PLEKHD1: variants seen among roughly 807,000 people sequenced by gnomAD.
PLEKHD1 encodes the protein pleckstrin homology domain-containing family D member 1.
A neutral mutation model predicts 69.2 loss-of-function variants in PLEKHD1; 51 were observed. That is an observed-to-expected ratio of 0.74 (90% confidence interval 0.59 to 0.93). The LOEUF (loss-of-function observed/expected upper bound fraction) is 0.93. Among genes scored for constraint, PLEKHD1 ranks in the 40% least tolerant of loss-of-function variants. The probability of loss-of-function intolerance (pLI) is 0.00; values close to 1 mark genes in which losing one functional copy is unlikely to be tolerated. For synonymous variants in PLEKHD1, 236 were observed against 244.7 expected (o/e 0.96, Z 0.33); for missense variants, 584 against 641.0 (o/e 0.91, Z 0.96).
At chr14:69,497,984 C>A (rs528801006) in intron 1 of PLEKHD1, among the ~76,000 whole-genome samples, 1 of 151,804 alleles carries the variant, frequency 6.6e-6, no homozygotes, top group Non-Finnish European at 1.5e-5. Context: ...GCCAAGAGTT[C>A]GAGGCCAGCC....
intron 1 of PLEKHD1, 135 bp downstream of exon 1, chr14:69,485,249 C>A: frequency 1.8e-6 from 2 of 1,085,358 alleles, no homozygotes; most frequent in African/African-American, 1.6e-5. Context: ...TCACTCTACA[C>A]TGGCTCCCGC....
chr14:69,525,287 C>T (rs1432297366), intron 8 of PLEKHD1, among the ~76,000 whole-genome samples: 1 of 152,154 alleles, frequency 6.6e-6, no homozygotes, highest in African/African-American at 2.4e-5. Flanking sequence ...GAATTACCTT[C>T]AAGGCTGCAA....
At chr14:69,472,483 G>A in the PLEKHD1 span, among the ~76,000 whole-genome samples, 1 of 152,088 alleles carries the variant, frequency 6.6e-6, no homozygotes, top group African/African-American at 2.4e-5. Context: ...TTCTTTTTCG[G>A]TAACGTTAAT....
chr14:69,485,167 C>A, intron 1 of PLEKHD1, 53 bp downstream of exon 1: 1 of 1,523,732 alleles, frequency 6.6e-7, no homozygotes, highest in South Asian at 1.2e-5. Flanking sequence ...GCCTGGGCGT[C>A]GTTACCCCTC....
the PLEKHD1 span, among the ~76,000 whole-genome samples, chr14:69,472,083 A>T: frequency 6.6e-6 from 1 of 152,066 alleles, no homozygotes; most frequent in Admixed American, 6.6e-5. Context: ...CTGAGTCAGA[A>T]CCAAACACCA....
chr14:69,500,974 C>G (rs1883012249), intron 4 of PLEKHD1, 27 bp downstream of exon 4: 24 of 1,549,730 alleles, frequency 1.5e-5, no homozygotes, highest in Non-Finnish European at 2.0e-5. Flanking sequence ...AGGAGGGCAG[C>G]CTGCAGATCC....
intron 1 of PLEKHD1, among the ~76,000 whole-genome samples, chr14:69,486,005 G>A (rs1882647589): frequency 6.6e-6 from 1 of 152,246 alleles, no homozygotes; most frequent in South Asian, 2.1e-4. Flanking sequence ...GGCTGCAGGT[G>A]CTGTGGGCCA....
At position 69,528,336 on chromosome 14, in the gene PLEKHD1, G is replaced by A. The variant is rs1271632390; in HGVS notation, c.1438G>A (p.Asp480Asn). 5.8e-6 allele frequency: 9 copies of A among 1,551,720 alleles called. No individual in the cohort carries two copies. Among genetic ancestry groups the A allele is most frequent in the Non-Finnish European group, 7.0e-6 (8 of 1,147,002 alleles). ...GGAGGTGGCCAAGCGGCTCAGCAGGGACCAGCGCTTCCGGGAATCCATCTA... is the reference window on the plus strand; with the variant it reads ...GGAGGTGGCCAAGCGGCTCAGCAGGAACCAGCGCTTCCGGGAATCCATCTA... ...LKEVAKRLSRDQRFRESIYHI... is the reference protein window; with the variant it reads ...LKEVAKRLSRNQRFRESIYHI... The change falls in exon 13 of 13, where the codon GAC becomes AAC. Residue 480 changes from aspartate (D) to asparagine (N), a missense_variant. Transcript: ENST00000322564.
chr14:69,469,637 T>C, the PLEKHD1 span, among the ~76,000 whole-genome samples: 3 of 152,110 alleles, frequency 2.0e-5, no homozygotes, highest in Admixed American at 2.0e-4. Context: ...CATAGAATTA[T>C]TGGCCTCAAG....
chr14:69,472,922 G>A, the PLEKHD1 span, among the ~76,000 whole-genome samples: 4 of 152,134 alleles, frequency 2.6e-5, no homozygotes, highest in Non-Finnish European at 5.9e-5. Flanking sequence ...GGCAGCATTC[G>A]ATTCTCATAG....
At chr14:69,493,675 C>A (rs1882825097) in intron 1 of PLEKHD1, among the ~76,000 whole-genome samples, 1 of 152,252 alleles carries the variant, frequency 6.6e-6, no homozygotes. Context: ...TCAAAGATTA[C>A]CTTCTTAACT....
chr14:69,500,900 G>C lies in PLEKHD1; in HGVS notation c.363G>C (p.Glu121Asp). The C allele has an allele frequency of 6.4e-7, 1 of 1,551,708 alleles. No individual in the cohort carries two copies. The highest frequency in any genetic ancestry group is 8.7e-7 in the Non-Finnish European group (1 of 1,147,008). The change falls in exon 4 of 13, where the codon GAG (glutamate) becomes GAC (aspartate). Residue 121 changes from glutamate (E) to aspartate (D), a missense_variant. Glu to Asp is a conservative substitution (Grantham distance 45). Transcript: ENST00000322564. Reference protein sequence around the residue: ...HGNILLAAESEFEQTQWLEML... With the variant: ...HGNILLAAESDFEQTQWLEML... ...ACATCTTGCTTGCTGCTGAGTCGGA[G>C]TTTGAGCAGACCCAGTGGCTGGAGA...
chr14:69,525,473 T>G (rs1883622081), intron 8 of PLEKHD1, among the ~76,000 whole-genome samples: 1 of 152,056 alleles, frequency 6.6e-6, no homozygotes, highest in South Asian at 2.1e-4. Flanking sequence ...GACATCTTTT[T>G]TTTGGAGGTG....
chr14:69,474,288 G>T, the PLEKHD1 span, among the ~76,000 whole-genome samples: 2 of 152,168 alleles, frequency 1.3e-5, no homozygotes, highest in Non-Finnish European at 2.9e-5. Context: ...ATTTTCCTGA[G>T]TTGCTTTCCA....
chr14:69,528,408 G>A lies in PLEKHD1; in HGVS notation c.1510G>A (p.Gly504Ser). 3 of 1,550,820 alleles carry A rather than the reference G, an allele frequency of 1.9e-6. No individual in the cohort carries two copies. The highest frequency in any genetic ancestry group is 2.6e-6 in the Non-Finnish European group (3 of 1,146,946). Residue 504 changes from glycine to serine, a missense_variant, in exon 13 of 13, where the codon GGT (glycine) becomes AGT (serine). Physicochemically the swap from Gly to Ser is moderately conservative, Grantham distance 56. Transcript: ENST00000322564. ...TGGAGCCCCCTCGGCACTCTCCCGG[G>A]GTGGAAAGTGATGGGCGCTCCTCCC... ...QPGAPSALSR[G>S]GK is the part of the protein sequence containing the mutation.
chr14:69,522,185 G>A, intron 6 of PLEKHD1, 98 bp from the exon 7 acceptor site: 2 of 1,130,318 alleles, frequency 1.8e-6, no homozygotes, highest in Admixed American at 2.2e-5. Flanking sequence ...CCCAGGCTGT[G>A]CTAAATCCCA....
rs1178311245 is a variant in PLEKHD1 at position 69,500,144 on chromosome 14, T to C, written c.179T>C (p.Leu60Pro). 1 of 1,550,502 alleles carries C rather than the reference T, an allele frequency of 6.4e-7. No homozygotes were observed. Among genetic ancestry groups the C allele is most frequent in the African/African-American group, 1.4e-5 (1 of 73,008 alleles). The change falls in exon 2 of 13, where the codon CTT becomes CCT. Residue 60 changes from leucine to proline, a missense_variant. Physicochemically the swap from Leu to Pro is moderately conservative, Grantham distance 98. Transcript: ENST00000322564. ...RFFIIKESFLLYYSESEKKSF... is the reference protein window; with the variant it reads ...RFFIIKESFLPYYSESEKKSF... ...TTCATCATCAAAGAGAGCTTTCTGC[T>C]TTACTACTCTGAGAGCGAAAAAAAG...
At chr14:69,516,643 T>A (rs1246158846) in intron 6 of PLEKHD1, among the ~76,000 whole-genome samples, 4 of 151,960 alleles carry the variant, frequency 2.6e-5, no homozygotes, top group Non-Finnish European at 5.9e-5. Context: ...GAGCAGGGAG[T>A]AAGGAAAAAG....
At chr14:69,496,892 G>A (rs1196811989) in intron 1 of PLEKHD1, among the ~76,000 whole-genome samples, 1 of 151,790 alleles carries the variant, frequency 6.6e-6, no homozygotes, top group Non-Finnish European at 1.5e-5. Context: ...ATTGGATTAG[G>A]GCCCTACCCT....
Sources: allele counts gnomAD v4.1 joint callset (sites outside exome capture counted in the v4.1 genomes callset), GRCh38; gene constraint gnomAD v4.1.1; transcripts MANE v1.5; gene names NCBI Gene and HGNC (gene_info 2026-07-23, HGNC 2026-07-21).